The following SCMH1 variants were observed in gnomAD, a reference collection of about 807,000 sequenced individuals.
SCMH1 encodes the protein Scm polycomb group protein homolog 1, also known as polycomb protein SCMH1.
Under a neutral mutation model 70.8 loss-of-function variants are expected in SCMH1, and 37 were observed. The ratio of observed to expected loss-of-function variants is 0.52; its 90% CI spans 0.40 to 0.69. The LOEUF (loss-of-function observed/expected upper bound fraction) is 0.69. Ranked by LOEUF, SCMH1 falls within the 30% of genes least tolerant of loss-of-function variation. The pLI is 0.00. For synonymous variants in SCMH1, 292 were observed against 307.4 expected, an observed-to-expected ratio of 0.95 and a Z score of 0.52; for missense variants, 607 against 827.3, an observed-to-expected ratio of 0.73 and a Z score of 3.27.
chr1:41,072,988 T>C (rs757736754), intron 9 of SCMH1, among the ~76,000 whole-genome samples: 54 of 152,182 alleles, frequency 3.5e-4, no homozygotes, highest in Admixed American at 5.2e-4. Flanking sequence ...TGCTAGGACA[T>C]AAAACACAGG....
Position 41,148,483 on chromosome 1 carries a change from T to TCAC in SCMH1, c.177+3128_177+3130dup, listed in dbSNP as rs199656058. Among the ~76,000 whole-genome samples, 819 of 152,302 alleles carry TCAC rather than the reference T, an allele frequency of 5.4e-3. 3 individuals are homozygous for TCAC. Among genetic ancestry groups the TCAC allele is most frequent in the African/African-American group, 0.018 (756 of 41,574 alleles). ...TTGTAAATCTGAAAATATCTTTATT[T>TCAC]CACCTTTGTGTTTGAAAGACATTTT... On this transcript the variant is annotated intron_variant, in intron 5 of 14. Transcript: ENST00000337495.
intron 2 of SCMH1, among the ~76,000 whole-genome samples, chr1:41,167,736 T>C (rs1278480525): frequency 6.6e-6 from 1 of 152,174 alleles, no homozygotes; most frequent in Non-Finnish European, 1.5e-5. Context: ...GTGAGTTTTA[T>C]ACTTTCATGT....
At position 41,033,579 on chromosome 1, in the gene SCMH1, C is replaced by T. The variant is rs145751577; in HGVS notation, c.1678+3783G>A. Reference sequence around the variant, plus strand: ...TCTCCCCATCGCCCCTCAATGTGTACGGCTGGCACTTACTCTTCAAGGAGG... The same window carrying T: ...TCTCCCCATCGCCCCTCAATGTGTATGGCTGGCACTTACTCTTCAAGGAGG... On this transcript the variant is annotated intron_variant, in intron 13 of 14. Coordinates refer to ENST00000337495, the Ensembl canonical transcript of SCMH1. 1.5e-3 allele frequency among the ~76,000 whole-genome samples: 235 copies of T among 152,262 alleles called. 3 individuals are homozygous for T. Among genetic ancestry groups the T allele is most frequent in the East Asian group, 0.011 (59 of 5,180 alleles).
intron 1 of SCMH1, among the ~76,000 whole-genome samples, chr1:41,191,609 C>A (rs1651726369): frequency 6.6e-6 from 1 of 152,158 alleles, no homozygotes. Flanking sequence ...TGTTGAAAGT[C>A]ATTTAGTTTA....
chr1:41,097,532 G>C (rs753530591), intron 8 of SCMH1, among the ~76,000 whole-genome samples: 1 of 152,084 alleles, frequency 6.6e-6, no homozygotes. Context: ...GCAGTGGCAC[G>C]ATCATAGTTC....
intron 12 of SCMH1, among the ~76,000 whole-genome samples, chr1:41,039,691 C>G (rs369678094): frequency 7.9e-5 from 12 of 151,632 alleles, no homozygotes; most frequent in African/African-American, 2.4e-4. Flanking sequence ...CCAGGCTAGT[C>G]TTGAACTCCT....
chr1:41,198,338 A>C (rs1653517432), intron 1 of SCMH1, among the ~76,000 whole-genome samples: 1 of 152,204 alleles, frequency 6.6e-6, no homozygotes, highest in African/African-American at 2.4e-5. Context: ...AAAGACAAAA[A>C]GTAAGTGTGG....
intron 8 of SCMH1, among the ~76,000 whole-genome samples, chr1:41,078,041 T>C (rs752967987): frequency 6.6e-6 from 1 of 152,076 alleles, no homozygotes; most frequent in Admixed American, 6.5e-5. Context: ...AAAAGGTAGA[T>C]AGTACCCACA....
At chr1:41,058,329 T>G (rs1651226081) in intron 10 of SCMH1, among the ~76,000 whole-genome samples, 1 of 147,608 alleles carries the variant, frequency 6.8e-6, no homozygotes, top group Admixed American at 6.8e-5. Context: ...CATCTGTGAC[T>G]GTTCCAAAGA....
chr1:41,041,809 G>A (rs563987275), intron 12 of SCMH1, among the ~76,000 whole-genome samples: 2 of 152,228 alleles, frequency 1.3e-5, no homozygotes, highest in Admixed American at 6.5e-5. Flanking sequence ...CAGTGTCATG[G>A]GCAATGAACC....
At position 41,102,545 on chromosome 1, in the gene SCMH1, A is replaced by G. The variant is rs763074347; in HGVS notation, c.745+10738T>C. ...TGACTCATTCCTACAACATGGATAG[A>G]GGACCTCTGCAACTACAAAGACATG... is the stretch of plus-strand genomic sequence containing the variant. On this transcript the variant is annotated intron_variant, in intron 8 of 14. Transcript: ENST00000337495. 8.1e-4 allele frequency among the ~76,000 whole-genome samples: 124 copies of G among 152,226 alleles called. 2 individuals are homozygous for G. Among genetic ancestry groups the G allele is most frequent in the Non-Finnish European group, 1.6e-3 (108 of 68,042 alleles).
exon 9 of SCMH1, chr1:41,075,295 T>C: frequency 6.2e-7 from 1 of 1,614,156 alleles, no homozygotes; most frequent in Non-Finnish European, 8.5e-7. Context: ...AGAGATGGGA[T>C]GGGAAATTAG....
At chr1:41,111,658 GC>G (rs1466125988) in intron 8 of SCMH1, among the ~76,000 whole-genome samples, 1 of 152,070 alleles carries the variant, frequency 6.6e-6, no homozygotes, top group Non-Finnish European at 1.5e-5. Flanking sequence ...CCACTTTCTT[GC>G]TCAGGCAATG....
At chr1:41,132,161 C>T (rs538288454) in intron 6 of SCMH1, among the ~76,000 whole-genome samples, 2 of 152,112 alleles carry the variant, frequency 1.3e-5, no homozygotes, top group Non-Finnish European at 2.9e-5. Context: ...TACATACCCA[C>T]CAACAGTGTA....
chr1:41,039,503 T>A (rs1362418623), intron 12 of SCMH1, among the ~76,000 whole-genome samples: 1 of 149,228 alleles, frequency 6.7e-6, no homozygotes, highest in East Asian at 2.0e-4. Flanking sequence ...TGAGACAGAG[T>A]CTCACTCTAT....
At chr1:41,208,929 A>G (rs1266358365) in intron 1 of SCMH1, among the ~76,000 whole-genome samples, 2 of 152,224 alleles carry the variant, frequency 1.3e-5, no homozygotes, top group South Asian at 2.1e-4. Flanking sequence ...AAAAAAATCA[A>G]TAAATCCAGG....
At chr1:41,082,178 T>C (rs1391973475) in intron 8 of SCMH1, among the ~76,000 whole-genome samples, 1 of 152,124 alleles carries the variant, frequency 6.6e-6, no homozygotes, top group Admixed American at 6.6e-5. Flanking sequence ...AGTGAAGATA[T>C]ATATGGCCTC....
At chr1:41,223,727 T>C (rs985143365) in intron 1 of SCMH1, among the ~76,000 whole-genome samples, 2 of 152,282 alleles carry the variant, frequency 1.3e-5, no homozygotes, top group Non-Finnish European at 2.9e-5. Flanking sequence ...TATCATATAT[T>C]AGATGGGATT....
chr1:41,240,091 C>T (rs1042842535), intron 1 of SCMH1, among the ~76,000 whole-genome samples: 7 of 152,182 alleles, frequency 4.6e-5, no homozygotes, highest in African/African-American at 1.7e-4. Flanking sequence ...AATGTTTACC[C>T]AACTTACATA....
Sources: allele counts gnomAD v4.1 joint callset (sites outside exome capture counted in the v4.1 genomes callset), GRCh38; gene constraint gnomAD v4.1.1; transcripts MANE v1.5; gene names NCBI Gene and HGNC (gene_info 2026-07-23, HGNC 2026-07-21).